ADGRE2: variants seen among roughly 807,000 people sequenced by gnomAD.
The protein encoded by ADGRE2 is adhesion G protein-coupled receptor E2, also known as CD97 antigen.
Under a neutral mutation model 100.8 loss-of-function variants are expected in ADGRE2, and 83 were observed. The observed-to-expected ratio is 0.82, with a 90% confidence interval of 0.69 to 0.99. The LOEUF is 0.99. Among genes scored for constraint, ADGRE2 ranks in the 50% least tolerant of loss-of-function variants. The pLI is 0.00. For synonymous variants in ADGRE2, 355 were observed against 413.0 expected (o/e 0.86, Z 1.70); for missense variants, 814 against 1,035.7 (o/e 0.79, Z 2.94).
chr19:14,731,145 C>T (rs754530594), downstream of ADGRE2: 5 of 1,532,004 alleles, frequency 3.3e-6, no homozygotes, highest in South Asian at 6.0e-5. Flanking sequence ...CTCTTTCCCT[C>T]ATTCTTCCTC....
intron 20 of ADGRE2, among the ~76,000 whole-genome samples, chr19:14,740,960 C>G (rs1250170956): frequency 1.3e-5 from 2 of 152,104 alleles, no homozygotes; most frequent in African/African-American, 4.8e-5. Flanking sequence ...TGGTCTCCAA[C>G]TCCTGGGCTC....
Position 14,752,342 on chromosome 19 carries a change from T to C in ADGRE2, c.1775A>G (p.Gln592Arg). Residue 592 changes from glutamine (Q) to arginine (R), a missense_variant, in exon 15 of 21, where the codon CAA (glutamine) becomes CGA (arginine). Gln to Arg is a conservative substitution (Grantham distance 43, BLOSUM62 1). This residue lies in a region of ADGRE2 where 569 missense variants were observed against 692.7 expected (regional missense o/e 0.82). Coordinates refer to ENST00000315576, the MANE Select transcript of ADGRE2 (RefSeq NM_013447.4). ...CGCTGTCAATACCTTGTGTCCGGTTTGATCAATTGCCACGAGGAAGAGGAG... is the reference window on the plus strand; with the variant it reads ...CGCTGTCAATACCTTGTGTCCGGTTCGATCAATTGCCACGAGGAAGAGGAG... ...AHLLFLVAID[Q>R]TGHKVLCSII... The C allele has an allele frequency of 1.2e-6, 2 of 1,614,072 alleles. No homozygotes were observed. Among genetic ancestry groups the C allele is most frequent in the Non-Finnish European group, 8.5e-7 (1 of 1,179,968 alleles).
In ADGRE2 at chr19:14,755,743, TG is replaced by T. The variant is rs1392276823; in HGVS notation, c.1326del (p.Ile443SerfsTer6). Reference protein sequence around the residue: ...THQGLLQDGSPILLSDVISAF... With the variant: ...THQGLLQDGSXILLSDVISAF... ...GCAGAGATCACATCTGAGAGCAGGA[TG>T]GGGGAGCCGTCCTGCAGCAAGCCCT... On this transcript the variant is annotated frameshift_variant, in exon 13 of 21. Transcript: ENST00000315576. LOFTEE classifies it high-confidence loss of function. 2.5e-6 allele frequency: 4 copies of T among 1,613,926 alleles called. No homozygotes were observed. In the East Asian group the frequency reaches 6.7e-5, roughly 27 times the overall value.
intron 2 of ADGRE2, among the ~76,000 whole-genome samples, chr19:14,776,046 C>T (rs1276425019): frequency 6.6e-6 from 1 of 152,014 alleles, no homozygotes; most frequent in Non-Finnish European, 1.5e-5. Flanking sequence ...CTGTGGCCGC[C>T]TGTTGGGGTG....
chr19:14,776,827 A>G lies in ADGRE2; in HGVS notation c.-71T>C, dbSNP rs1599898342. On this transcript the variant is annotated 5_prime_UTR_variant, in exon 2 of 21. Coordinates refer to ENST00000315576, the MANE Select transcript of ADGRE2 (RefSeq NM_013447.4). ...TGGGACAGGGCTGTCCCGTCTCCGC[A>G]GGCTGGGCAGCTGTGCGGGCTGTCC... is the stretch of plus-strand genomic sequence containing the variant. The G allele has an allele frequency of 6.2e-7, 1 of 1,601,790 alleles. No homozygotes were observed. The highest frequency in any genetic ancestry group is 2.3e-5 in the East Asian group (1 of 43,948).
chr19:14,746,394 A>T, intron 17 of ADGRE2, 71 bp from the exon 18 acceptor site: 1 of 802,240 alleles, frequency 1.2e-6, no homozygotes, highest in Non-Finnish European at 2.0e-6. Context: ...TTTTTTTCAG[A>T]CAGGGTCTTG....
At position 14,751,584 on chromosome 19, in the gene ADGRE2, G is replaced by A. The variant is rs145425662; in HGVS notation, c.1876C>T (p.Leu626Phe). 2.5e-5 allele frequency: 40 copies of A among 1,614,020 alleles called. No homozygotes were observed. Among genetic ancestry groups the A allele is most frequent in the Admixed American group, 3.3e-5 (2 of 59,976 alleles). The change falls in exon 16 of 21, where the codon CTC becomes TTC. Residue 626 changes from leucine (L) to phenylalanine (F), a missense_variant. This residue lies in a region of ADGRE2 where 569 missense variants were observed against 692.7 expected (regional missense o/e 0.82). Coordinates refer to ENST00000315576, the MANE Select transcript of ADGRE2 (RefSeq NM_013447.4). ...ACCACCGTCAGGTTCCGTGCAGTGAGGAAGAGGTACAGGGCCTCCAGCAGC... is the reference window on the plus strand; with the variant it reads ...ACCACCGTCAGGTTCCGTGCAGTGAAGAAGAGGTACAGGGCCTCCAGCAGC... ...WMLLEALYLF[L>F]TARNLTVVNY... is the part of the protein sequence containing the mutation.
chr19:14,734,844 G>A lies in ADGRE2; in HGVS notation c.*1392C>T, dbSNP rs1014612841. On this transcript the variant is annotated 3_prime_UTR_variant, in exon 21 of 21. Transcript: ENST00000315576. Reference sequence around the variant, plus strand: ...TCGTCATAGTGTACCAGATTTTATAGACAGGCTTGAGAAGGCGGTGTCTGA... The same window carrying A: ...TCGTCATAGTGTACCAGATTTTATAAACAGGCTTGAGAAGGCGGTGTCTGA... The A allele has an allele frequency of 1.3e-5, 2 of 152,210 alleles. No individual in the cohort carries two copies. Among genetic ancestry groups the A allele is most frequent in the African/African-American group, 4.8e-5 (2 of 41,454 alleles). 9.4% of individuals were successfully genotyped at this position (152,210 alleles called of 1,614,324 possible). A position where few individuals can be genotyped will look rare whatever the true frequency, so the allele number is the denominator to read the frequency against.
At position 14,772,057 on chromosome 19, in the gene ADGRE2, T is replaced by A. The variant is rs572973895; in HGVS notation, c.355+285A>T. On this transcript the variant is annotated intron_variant, in intron 5 of 20. Coordinates refer to ENST00000315576, the MANE Select transcript of ADGRE2 (RefSeq NM_013447.4). Reference sequence around the variant, plus strand: ...TTATCATCCTCATTTTATAGATGGGTAAACCAAGGCTCTAAGAGCAGTAGT... The same window carrying A: ...TTATCATCCTCATTTTATAGATGGGAAAACCAAGGCTCTAAGAGCAGTAGT... The A allele has an allele frequency of 3.2e-4, 150 of 465,020 alleles. 1 individual carries two copies. The South Asian group carries it at 4.0e-3, about 12-fold the overall frequency. 28.8% of individuals were successfully genotyped at this position (465,020 alleles called of 1,614,324 possible).
chr19:14,775,067 A>G (rs2044385904), intron 2 of ADGRE2, among the ~76,000 whole-genome samples: 2 of 150,834 alleles, frequency 1.3e-5, no homozygotes. Flanking sequence ...CAGTGGTGCA[A>G]TCTTGGCTCA....
At position 14,743,838 on chromosome 19, in the gene ADGRE2, G is replaced by T. The variant is rs10221519; in HGVS notation, c.2184-54C>A. On this transcript the variant is annotated intron_variant, in intron 18 of 20. Transcript: ENST00000315576. Reference sequence around the variant, plus strand: ...ATGCACCCAGAGAAAGAGAATCAAGGCTATTTCATCTGTGCCCATGGAGTC... The same window carrying T: ...ATGCACCCAGAGAAAGAGAATCAAGTCTATTTCATCTGTGCCCATGGAGTC... 28,693 of 1,559,894 alleles carry T rather than the reference G, an allele frequency of 0.018. 4,547 individuals are homozygous for T. The African/African-American group carries it at 0.34, about 19-fold the overall frequency.
In ADGRE2 at chr19:14,765,700, T is replaced by C. The variant is rs2043940399; in HGVS notation, c.739A>G (p.Arg247Gly). The change falls in exon 8 of 21, where the codon AGA (arginine) becomes GGA (glycine). Residue 247 changes from arginine to glycine, a missense_variant. Arg to Gly is a moderately radical substitution (Grantham distance 125). Transcript: ENST00000315576. The part of the protein sequence containing the change: ...SCRCRPGWKP[R>G]HGIPNNQKDT... ...TTTTGGTTATTCGGGATTCCGTGTC[T>C]GGGCTTCCAGCCTGGGCGGCAGCGG... 6.2e-7 allele frequency: 1 copy of C among 1,613,282 alleles called. No individual in the cohort carries two copies. Among genetic ancestry groups the C allele is most frequent in the African/African-American group, 1.3e-5 (1 of 74,940 alleles).
At chr19:14,737,150 A>G (rs1197308392) in intron 20 of ADGRE2, among the ~76,000 whole-genome samples, 1 of 150,648 alleles carries the variant, frequency 6.6e-6, no homozygotes, top group Admixed American at 6.6e-5. Context: ...TGTATACACA[A>G]TAAAATTTAT....
chr19:14,739,953 T>C (rs1174683888), intron 20 of ADGRE2, among the ~76,000 whole-genome samples: 2 of 151,892 alleles, frequency 1.3e-5, no homozygotes, highest in Non-Finnish European at 2.9e-5. Context: ...ATACAAAAAT[T>C]AGCCAGGCGT....
At chr19:14,739,782 A>C (rs901239970) in intron 20 of ADGRE2, among the ~76,000 whole-genome samples, 6 of 152,122 alleles carry the variant, frequency 3.9e-5, no homozygotes, top group African/African-American at 1.4e-4. Flanking sequence ...GGTCTTTATA[A>C]AGTATGAAGG....
chr19:14,724,639 G>A, the ADGRE2 span, among the ~76,000 whole-genome samples: 1 of 152,150 alleles, frequency 6.6e-6, no homozygotes, highest in African/African-American at 2.4e-5. Flanking sequence ...GGTGGCGGGA[G>A]CCTGTAATCC....
At chr19:14,771,534 C>A (rs11878443) in intron 5 of ADGRE2, among the ~76,000 whole-genome samples, 75 of 152,202 alleles carry the variant, frequency 4.9e-4, no homozygotes, top group Middle Eastern at 6.8e-3. Context: ...CAGGCTGTGT[C>A]GAAATAGATT....
chr19:14,767,711 G>A (rs1055998373), intron 5 of ADGRE2, among the ~76,000 whole-genome samples: 3 of 152,220 alleles, frequency 2.0e-5, no homozygotes, highest in African/African-American at 7.2e-5. Flanking sequence ...CAGGACAAAG[G>A]TCAGGGTGGG....
At chr19:14,766,471 G>A in intron 6 of ADGRE2, 90 bp from the exon 7 acceptor site, 1 of 1,418,672 alleles carries the variant, frequency 7.0e-7, no homozygotes, top group Non-Finnish European at 9.6e-7. Context: ...TCTTTTCATT[G>A]CCTCAGACTG....
Sources: allele counts gnomAD v4.1 joint callset (sites outside exome capture counted in the v4.1 genomes callset), GRCh38; gene constraint gnomAD v4.1.1; regional missense constraint gnomAD v4.1.1; transcripts MANE v1.5; gene names NCBI Gene and HGNC (gene_info 2026-07-23, HGNC 2026-07-21).